Variants in AGBL4 observed in about 807,000 individuals in gnomAD.
AGBL4 encodes AGBL carboxypeptidase 4.
AGBL4 carries 58 observed loss-of-function variants against 66.4 expected under a neutral mutation model. That is an observed-to-expected ratio of 0.87 (90% CI 0.71 to 1.09). The LOEUF (loss-of-function observed/expected upper bound fraction) is 1.09. Among genes scored for constraint, AGBL4 ranks in the 50% least tolerant of loss-of-function variants. AGBL4 has a pLI of 0.00. For missense variants in AGBL4, 579 were observed against 631.0 expected, an observed-to-expected ratio of 0.92 and a Z score of 0.88; for synonymous variants, 234 against 222.9, an observed-to-expected ratio of 1.05 and a Z score of -0.44.
At chr1:49,422,745 G>A (rs548717498) in intron 3 of AGBL4, among the ~76,000 whole-genome samples, 1 of 152,210 alleles carries the variant, frequency 6.6e-6, no homozygotes, top group South Asian at 2.1e-4. Flanking sequence ...CAGTTTAAGT[G>A]TCACTTTCTT....
In AGBL4 at chr1:49,651,026, G is replaced by A. The variant is rs187802494; in HGVS notation, c.282+46287C>T. Among the ~76,000 whole-genome samples the A allele has an allele frequency of 1.3e-4, 20 of 152,234 alleles. No homozygotes were observed. In the East Asian group the frequency reaches 3.5e-3, roughly 26 times the overall value. On this transcript the variant is annotated intron_variant, in intron 3 of 13. Coordinates refer to ENST00000371839, the MANE Select transcript of AGBL4 (RefSeq NM_032785.4). ...TGCCCTCCGTACACAGAGCAGTAGC[G>A]TCCTAGCAACACAGCACAGACAAGC...
intron 5 of AGBL4, among the ~76,000 whole-genome samples, chr1:49,034,069 CCTACCTAA>C (rs1664447245): frequency 1.3e-5 from 2 of 152,044 alleles, no homozygotes; most frequent in African/African-American, 4.8e-5. Context: ...ATTGTAGAGT[CCTACCTAA>C]CATGATCCTT....
intron 4 of AGBL4, among the ~76,000 whole-genome samples, chr1:49,192,512 T>C (rs1647140874): frequency 6.6e-6 from 1 of 152,210 alleles, no homozygotes; most frequent in Non-Finnish European, 1.5e-5. Context: ...TTGGCCAGGC[T>C]GGTCGCAAAC....
intron 6 of AGBL4, among the ~76,000 whole-genome samples, chr1:48,678,189 C>T (rs1014037785): frequency 2.0e-5 from 3 of 152,152 alleles, no homozygotes; most frequent in African/African-American, 7.2e-5. Context: ...GGTAACTGCA[C>T]AGCTGCTGGC....
chr1:48,919,639 G>A (rs1029253720), intron 5 of AGBL4, among the ~76,000 whole-genome samples: 9 of 152,152 alleles, frequency 5.9e-5, no homozygotes, highest in East Asian at 3.8e-4. Context: ...AATGTGGATC[G>A]GGTAACTCCT....
intron 2 of AGBL4, among the ~76,000 whole-genome samples, chr1:49,752,230 C>G (rs574632813): frequency 3.9e-4 from 59 of 152,284 alleles, no homozygotes; most frequent in Non-Finnish European, 7.8e-4. Flanking sequence ...AAATTTCCCT[C>G]TTAACACTGC....
At chr1:48,544,326 G>T (rs757171648) in intron 11 of AGBL4, among the ~76,000 whole-genome samples, 21 of 152,242 alleles carry the variant, frequency 1.4e-4, no homozygotes, top group Non-Finnish European at 2.8e-4. Flanking sequence ...AAGAGCTACA[G>T]GGCAGAGAGG....
At chr1:48,646,918 C>T (rs1645846131) in intron 8 of AGBL4, among the ~76,000 whole-genome samples, 1 of 152,124 alleles carries the variant, frequency 6.6e-6, no homozygotes, top group African/African-American at 2.4e-5. Context: ...TACATACTAG[C>T]TCCTCTTGTA....
At chr1:49,609,763 C>T (rs191344211) in intron 3 of AGBL4, among the ~76,000 whole-genome samples, 2 of 152,206 alleles carry the variant, frequency 1.3e-5, no homozygotes, top group African/African-American at 4.8e-5. Context: ...CTCAAGTAGG[C>T]CCTGGTGTCT....
At chr1:49,002,438 CA>C (rs1450748977) in intron 5 of AGBL4, among the ~76,000 whole-genome samples, 1 of 152,130 alleles carries the variant, frequency 6.6e-6, no homozygotes, top group African/African-American at 2.4e-5. Context: ...GCTTATTTTC[CA>C]ATATAATTGA....
At chr1:48,579,628 C>T (rs935427440) in intron 11 of AGBL4, among the ~76,000 whole-genome samples, 5 of 150,660 alleles carry the variant, frequency 3.3e-5, no homozygotes, top group South Asian at 2.1e-4. Context: ...ATACTCAATC[C>T]GGCCAGGCAT....
intron 5 of AGBL4, among the ~76,000 whole-genome samples, chr1:48,896,647 C>A (rs1174540364): frequency 7.5e-6 from 1 of 133,896 alleles, no homozygotes; most frequent in Non-Finnish European, 1.6e-5. Flanking sequence ...CTCATGGAGG[C>A]AGGGGATGCA....
intron 3 of AGBL4, among the ~76,000 whole-genome samples, chr1:49,421,373 T>A (rs1005165127): frequency 7.1e-6 from 1 of 141,178 alleles, no homozygotes; most frequent in Admixed American, 7.0e-5. Context: ...TAACAAATGC[T>A]ACGGGGGGCG....
chr1:49,128,579 T>G (rs1029273094), intron 4 of AGBL4, among the ~76,000 whole-genome samples: 3 of 152,060 alleles, frequency 2.0e-5, no homozygotes, highest in African/African-American at 7.2e-5. Flanking sequence ...TGTGGTCAAT[T>G]GATTTTTGAC....
chr1:49,144,516 T>C (rs1646178322), intron 4 of AGBL4, among the ~76,000 whole-genome samples: 1 of 137,048 alleles, frequency 7.3e-6, no homozygotes, highest in Non-Finnish European at 1.6e-5. Context: ...CCTATTCAGT[T>C]TACCTAATCT....
At chr1:48,679,113 C>G (rs1485311210) in intron 6 of AGBL4, among the ~76,000 whole-genome samples, 1 of 152,180 alleles carries the variant, frequency 6.6e-6, no homozygotes, top group African/African-American at 2.4e-5. Flanking sequence ...CCAGAGGGAA[C>G]CCCCTGGCTC....
intron 5 of AGBL4, among the ~76,000 whole-genome samples, chr1:48,970,575 C>T (rs1212627797): frequency 6.6e-6 from 1 of 152,098 alleles, no homozygotes; most frequent in Non-Finnish European, 1.5e-5. Context: ...TAAGGCCCCA[C>T]TATGAAAAGC....
intron 4 of AGBL4, among the ~76,000 whole-genome samples, chr1:49,078,935 C>T (rs902574827): frequency 6.6e-5 from 10 of 152,198 alleles, no homozygotes; most frequent in Admixed American, 4.6e-4. Context: ...AAAGTCCTTA[C>T]TGCAGACTTC....
rs771543298 is a variant in AGBL4 at position 48,569,794 on chromosome 1, C to T, written c.1267+17210G>A. Among the ~76,000 whole-genome samples, 6 of 152,198 alleles carry T rather than the reference C, an allele frequency of 3.9e-5. No homozygotes were observed. In the East Asian group the frequency reaches 9.6e-4, roughly 24 times the overall value. On this transcript the variant is annotated intron_variant, in intron 11 of 13. Transcript: ENST00000371839. The stretch of plus-strand genomic sequence containing the variant: ...CCTAATTACCTTGAGCATCAATCTG[C>T]CCCGCAACCCTCCGCCATCACCAAA...
Sources: allele counts gnomAD v4.1 joint callset (sites outside exome capture counted in the v4.1 genomes callset), GRCh38; gene constraint gnomAD v4.1.1; transcripts MANE v1.5; gene names NCBI Gene and HGNC (gene_info 2026-07-23, HGNC 2026-07-21).